The following EP400 variants were observed in gnomAD, a reference collection of about 807,000 sequenced individuals.
The protein encoded by EP400 is E1A-binding protein p400.
Under a neutral mutation model 354.1 loss-of-function variants are expected in EP400, and 105 were observed. The ratio of observed to expected loss-of-function variants is 0.30; its 90% CI spans 0.25 to 0.35. EP400 has a LOEUF of 0.35. Among genes scored for constraint, EP400 ranks in the 10% least tolerant of loss-of-function variants. The pLI is 1.00. For missense variants in EP400, 3,280 were observed against 4,121.0 expected, an observed-to-expected ratio of 0.80 and a Z score of 5.59; for synonymous variants, 1,646 against 1,716.9, an observed-to-expected ratio of 0.96 and a Z score of 1.02.
chr12:132,056,474 C>A (rs753574779), intron 45 of EP400, among the ~76,000 whole-genome samples: 28 of 151,970 alleles, frequency 1.8e-4, no homozygotes, highest in Non-Finnish European at 4.0e-4. Context: ...GTAAAAGTGC[C>A]AAGGGAATTC....
At chr12:132,045,601 C>A in intron 38 of EP400, 41 bp downstream of exon 38, 1 of 1,609,432 alleles carries the variant, frequency 6.2e-7, no homozygotes, top group South Asian at 1.1e-5. Flanking sequence ...CATGTGCGGT[C>A]ATTTTTCTAA....
rs373749649 is a variant in EP400, at chr12:132,077,944, C to T, written c.*271C>T. 23 of 476,150 alleles carry T rather than the reference C, an allele frequency of 4.8e-5. No individual in the cohort carries two copies. The highest frequency in any genetic ancestry group is 2.2e-4 in the East Asian group (6 of 27,478). 29.5% of individuals were successfully genotyped at this position (476,150 alleles called of 1,614,324 possible). A position where few individuals can be genotyped will look rare whatever the true frequency, so the allele number is the denominator to read the frequency against. ...ATCATTTCACCTTTCAGTCCCCACC[C>T]GCACCCGTCCCCTAGAGCCATAGTA... On this transcript the variant is annotated 3_prime_UTR_variant, in exon 53 of 53. Transcript: ENST00000389561.
chr12:131,990,016 G>A lies in EP400; in HGVS notation c.2462G>A (p.Arg821Lys). ...HHEEKQLREE[R>K]GKKEEQSRLR... is the part of the protein sequence containing the mutation. Reference sequence around the variant, plus strand: ...GAGGAGAAGCAGCTCCGTGAAGAAAGGGGGAAGAAGGAAGAGCAGAGCAGA... The same window carrying A: ...GAGGAGAAGCAGCTCCGTGAAGAAAAGGGGAAGAAGGAAGAGCAGAGCAGA... Residue 821 changes from arginine to lysine, a missense_variant, in exon 8 of 53, where the codon AGG becomes AAG. Transcript: ENST00000389561. This position sits in a 1 kb window ranked among gnomAD's most constrained non-coding sequence, Gnocchi z 4.2. 6.2e-7 allele frequency: 1 copy of A among 1,613,672 alleles called. No individual in the cohort carries two copies. The highest frequency in any genetic ancestry group is 1.1e-5 in the South Asian group (1 of 90,996).
Position 132,054,823 on chromosome 12 carries a change from C to T in EP400, c.7729-151C>T, listed in dbSNP as rs1895428195. ...AGGTAGACAGAGGGTGGGGGCACCG[C>T]CAGGTGGAATGAGCTGGGGAGGATG... On this transcript the variant is annotated intron_variant, in intron 43 of 52. Transcript: ENST00000389561. This position sits in a 1 kb window ranked among gnomAD's most constrained non-coding sequence, Gnocchi z 4.0. The T allele has an allele frequency of 3.8e-6, 3 of 796,484 alleles. No homozygotes were observed. In the South Asian group the frequency reaches 4.9e-5, roughly 13 times the overall value. 49.3% of individuals were successfully genotyped at this position (796,484 alleles called of 1,614,324 possible). A position where few individuals can be genotyped will look rare whatever the true frequency, so the allele number is the denominator to read the frequency against.
chr12:132,061,752 G>T (rs563248742), intron 45 of EP400, among the ~76,000 whole-genome samples: 6 of 152,212 alleles, frequency 3.9e-5, no homozygotes, highest in Non-Finnish European at 8.8e-5. Flanking sequence ...CAGGACTGTG[G>T]GCTGTGTGTT....
chr12:132,051,026 G>C (rs1420493352), intron 41 of EP400: 4 of 347,726 alleles, frequency 1.2e-5, no homozygotes, highest in African/African-American at 2.1e-5. Flanking sequence ...ACATTTAGGG[G>C]TGTGTGTACC....
intron 30 of EP400, among the ~76,000 whole-genome samples, chr12:132,036,382 C>T (rs1234690291): frequency 6.6e-6 from 1 of 151,718 alleles, no homozygotes. Flanking sequence ...AAGGACACAC[C>T]CGGGTTCACA....
chr12:131,987,931 G>A (rs1298768097), intron 7 of EP400, 41 bp downstream of exon 7: 2 of 1,520,518 alleles, frequency 1.3e-6, no homozygotes, highest in Non-Finnish European at 1.8e-6. Context: ...GTGTGCGTTG[G>A]TGGGGGCTTG....
rs1232578616 is a variant in EP400 at position 132,017,818 on chromosome 12, C to G, written c.4110+97C>G. On this transcript the variant is annotated intron_variant, in intron 20 of 52. Transcript: ENST00000389561. The surrounding 1 kb of genome is among the most constrained non-coding windows in gnomAD (Gnocchi z 5.0). ...CTTGGAAATGGGTTCTCAACCAGCTCTTCTGCAATTGCAATTGCAGCTCCG... is the reference window on the plus strand; with the variant it reads ...CTTGGAAATGGGTTCTCAACCAGCTGTTCTGCAATTGCAATTGCAGCTCCG... 4 of 1,320,200 alleles carry G rather than the reference C, an allele frequency of 3.0e-6. No individual in the cohort carries two copies. Among genetic ancestry groups the G allele is most frequent in the East Asian group, 2.7e-5 (1 of 37,582 alleles). The allele number at this position is 1,320,200 out of a possible 1,614,324, so 81.8% of individuals were successfully genotyped here.
chr12:132,043,825 C>T, intron 34 of EP400, 97 bp downstream of exon 34: 1 of 1,116,434 alleles, frequency 9.0e-7, no homozygotes, highest in African/African-American at 1.6e-5. Flanking sequence ...ATTAAAGTCA[C>T]AAAAGCCAAA....
At chr12:132,046,370 A>G (rs1157222928) in intron 39 of EP400, among the ~76,000 whole-genome samples, 1 of 152,200 alleles carries the variant, frequency 6.6e-6, no homozygotes, top group East Asian at 1.9e-4. Flanking sequence ...GACATTTTCA[A>G]GAAGGTTTTG....
intron 2 of EP400, among the ~76,000 whole-genome samples, chr12:131,966,903 CAAAA>C (rs1179689543): frequency 3.5e-5 from 2 of 57,834 alleles, no homozygotes; most frequent in African/African-American, 7.3e-5. Context: ...AGACTTGTCT[CAAAA>C]AAAAAAAAAA....
chr12:132,010,677 C>T (rs1451913480), intron 15 of EP400, among the ~76,000 whole-genome samples: 2 of 152,288 alleles, frequency 1.3e-5, no homozygotes, highest in African/African-American at 2.4e-5. Flanking sequence ...CTTGGTGGCT[C>T]ATGCCTCTAA....
intron 37 of EP400, 142 bp from the exon 38 acceptor site, chr12:132,045,177 C>A: frequency 7.2e-7 from 1 of 1,381,880 alleles, no homozygotes; most frequent in East Asian, 2.4e-5. Context: ...GGCCCGAAAG[C>A]AGGTCTGTCT....
In EP400 at chr12:132,020,214, A is replaced by G. The variant is rs1217872746; in HGVS notation, c.4443A>G (p.Ala1481=). The G allele has an allele frequency of 2.2e-5, 35 of 1,601,032 alleles. No homozygotes were observed. Among genetic ancestry groups the G allele is most frequent in the Middle Eastern group, 1.7e-4 (1 of 6,042 alleles). The change falls in exon 22 of 53, where the codon GCA becomes GCG. Residue 1481 remains alanine (A), a synonymous_variant. Coordinates refer to ENST00000389561, the MANE Select transcript of EP400 (RefSeq NM_015409.5). ...PIATFSANPE[A]KAAAAPFQTS... ...CCACGTTCTCTGCCAATCCGGAGGC[A>G]AAAGGTAGACTTCACGTAGTTGTCT...
chr12:131,972,241 C>T (rs1199214265), intron 2 of EP400, among the ~76,000 whole-genome samples: 1 of 151,832 alleles, frequency 6.6e-6, no homozygotes, highest in Non-Finnish European at 1.5e-5. Context: ...CAAGCTCCGC[C>T]TCCTGGGTTC....
chr12:132,008,172 T>C (rs1184199489), intron 15 of EP400, among the ~76,000 whole-genome samples: 2 of 152,164 alleles, frequency 1.3e-5, no homozygotes, highest in East Asian at 1.9e-4. Flanking sequence ...GGTCTCGAAC[T>C]CCCAACCTCA....
rs1894103391 is a variant in EP400 at position 132,020,947 on chromosome 12, C to T, written c.4448-132C>T. The T allele has an allele frequency of 4.8e-6, 6 of 1,262,356 alleles. No homozygotes were observed. In the South Asian group the frequency reaches 6.8e-5, roughly 14 times the overall value. 78.2% of individuals were successfully genotyped at this position (1,262,356 alleles called of 1,614,324 possible). On this transcript the variant is annotated intron_variant, in intron 22 of 52. Transcript: ENST00000389561. ...TAAACTATATGGCCCCTCTTTTTTT[C>T]CTTAAGAGGGGACTTCTCATTTGAG...
At chr12:131,950,982 C>T (rs2136455050) in intron 1 of EP400, among the ~76,000 whole-genome samples, 1 of 152,208 alleles carries the variant, frequency 6.6e-6, no homozygotes, top group Non-Finnish European at 1.5e-5. Context: ...TCACTGCAAC[C>T]TCCGCCTCCC....
Sources: allele counts gnomAD v4.1 joint callset (sites outside exome capture counted in the v4.1 genomes callset), GRCh38; gene constraint gnomAD v4.1.1; non-coding constraint Gnocchi (gnomAD v3.1); transcripts MANE v1.5; gene names NCBI Gene and HGNC (gene_info 2026-07-23, HGNC 2026-07-21).